The following MDFIC2 variants were observed in gnomAD, a reference collection of about 807,000 sequenced individuals.
The protein encoded by MDFIC2 is myoD family inhibitor domain-containing protein 2.
chr3:70,221,778 C>T (rs1576160347), intron 2 of MDFIC2, among the ~76,000 whole-genome samples: 1 of 152,102 alleles, frequency 6.6e-6, no homozygotes, highest in South Asian at 2.1e-4. Context: ...GTGATTATAT[C>T]GAGCATCATT....
intron 2 of MDFIC2, among the ~76,000 whole-genome samples, chr3:70,293,163 T>G (rs921299941): frequency 6.6e-6 from 1 of 151,342 alleles, no homozygotes; most frequent in Non-Finnish European, 1.5e-5. Context: ...AGTATTCAGC[T>G]CCCATCAGTC....
At chr3:70,256,371 A>G (rs1264243260) in intron 2 of MDFIC2, among the ~76,000 whole-genome samples, 1 of 152,208 alleles carries the variant, frequency 6.6e-6, no homozygotes, top group Non-Finnish European at 1.5e-5. Flanking sequence ...TATTATATAA[A>G]CTAATCTCTA....
intron 2 of MDFIC2, among the ~76,000 whole-genome samples, chr3:70,227,648 AC>A (rs1405055173): frequency 2.0e-5 from 3 of 152,214 alleles, no homozygotes; most frequent in Non-Finnish European, 4.4e-5. Flanking sequence ...TTTTGCACCA[AC>A]CTAATAATAC....
intron 3 of MDFIC2, among the ~76,000 whole-genome samples, chr3:70,202,162 A>G (rs866118663): frequency 6.6e-6 from 1 of 152,034 alleles, no homozygotes; most frequent in Non-Finnish European, 1.5e-5. Context: ...CTAGTGGTCT[A>G]TCTGGTAATG....
At chr3:70,279,618 G>A (rs192370737) in intron 2 of MDFIC2, among the ~76,000 whole-genome samples, 308 of 152,192 alleles carry the variant, frequency 2.0e-3, no homozygotes, top group Non-Finnish European at 3.4e-3. Context: ...TCAGATTTGC[G>A]TTGCTCTCTT....
At chr3:70,244,654 A>G (rs1351486032) in intron 2 of MDFIC2, among the ~76,000 whole-genome samples, 1 of 152,226 alleles carries the variant, frequency 6.6e-6, no homozygotes, top group Non-Finnish European at 1.5e-5. Flanking sequence ...AAATGCAATT[A>G]ACTTAGAATA....
chr3:70,276,028 G>A (rs780698104), intron 2 of MDFIC2, among the ~76,000 whole-genome samples: 4 of 151,740 alleles, frequency 2.6e-5, no homozygotes, highest in Non-Finnish European at 4.4e-5. Flanking sequence ...TTGATGAAGA[G>A]CATTTCAAAC....
chr3:70,291,975 A>G (rs1341800093), intron 2 of MDFIC2: 1 of 152,230 alleles, frequency 6.6e-6, no homozygotes, highest in African/African-American at 2.4e-5. Context: ...TCATCCATTC[A>G]TTAAGCATTT....
intron 2 of MDFIC2, among the ~76,000 whole-genome samples, chr3:70,209,514 T>C (rs1701321878): frequency 6.6e-6 from 1 of 152,014 alleles, no homozygotes; most frequent in South Asian, 2.1e-4. Context: ...AGATGGGAAA[T>C]GTATGAATGG....
chr3:70,236,281 G>A (rs1701608044), intron 2 of MDFIC2, among the ~76,000 whole-genome samples: 1 of 152,082 alleles, frequency 6.6e-6, no homozygotes, highest in South Asian at 2.1e-4. Context: ...ACATCACTTT[G>A]AGACTTTAAA....
chr3:70,205,797 A>T (rs1002408138), intron 3 of MDFIC2: 2 of 152,056 alleles, frequency 1.3e-5, no homozygotes, highest in Non-Finnish European at 2.9e-5. Context: ...ACCTTGTTAC[A>T]TTTTCCTTTG....
At chr3:70,306,992 T>G (rs35386450) in intron 2 of MDFIC2, among the ~76,000 whole-genome samples, 57,102 of 151,854 alleles carry the variant, frequency 0.38, 11,089 homozygotes, top group Middle Eastern at 0.43. Flanking sequence ...TTTATATATA[T>G]AGAGAGAGAG....
intron 2 of MDFIC2, among the ~76,000 whole-genome samples, chr3:70,262,836 G>T (rs896262110): frequency 6.6e-6 from 1 of 152,054 alleles, no homozygotes; most frequent in Non-Finnish European, 1.5e-5. Context: ...TATGTTAGAT[G>T]ACCTGATATT....
At chr3:70,197,906 G>T (rs547658462) in intron 3 of MDFIC2, among the ~76,000 whole-genome samples, 3 of 152,048 alleles carry the variant, frequency 2.0e-5, no homozygotes, top group Non-Finnish European at 4.4e-5. Context: ...TACTACACAG[G>T]CTTGTAAAAA....
chr3:70,219,205 T>G (rs1445504989), intron 2 of MDFIC2, among the ~76,000 whole-genome samples: 1 of 152,180 alleles, frequency 6.6e-6, no homozygotes, highest in African/African-American at 2.4e-5. Context: ...TGCTCACATC[T>G]GCAAATTTGG....
intron 3 of MDFIC2, among the ~76,000 whole-genome samples, chr3:70,204,294 C>T (rs184899561): frequency 1.3e-5 from 2 of 152,036 alleles, no homozygotes; most frequent in South Asian, 2.1e-4. Flanking sequence ...TATCTCAGTA[C>T]GAACAATGAC....
intron 2 of MDFIC2, among the ~76,000 whole-genome samples, chr3:70,214,792 G>C (rs1186129056): frequency 2.6e-5 from 4 of 151,996 alleles, no homozygotes; most frequent in Non-Finnish European, 4.4e-5. Context: ...AAAGCAGTTT[G>C]CAATTATGAG....
chr3:70,297,160 C>A (rs1329608439), intron 2 of MDFIC2, among the ~76,000 whole-genome samples: 3 of 152,082 alleles, frequency 2.0e-5, no homozygotes, highest in African/African-American at 7.2e-5. Flanking sequence ...GCACAGTACA[C>A]TGCTTGTCAA....
At chr3:70,222,661 C>T (rs1044900058) in intron 2 of MDFIC2, among the ~76,000 whole-genome samples, 1 of 152,068 alleles carries the variant, frequency 6.6e-6, no homozygotes, top group Non-Finnish European at 1.5e-5. Context: ...CTCAGACATC[C>T]TTACCACTTA....
Sources: allele counts gnomAD v4.1 joint callset (sites outside exome capture counted in the v4.1 genomes callset), GRCh38; gene constraint gnomAD v4.1.1; transcripts MANE v1.5; gene names NCBI Gene and HGNC (gene_info 2026-07-23, HGNC 2026-07-21).